Variants in KCNA2 observed in about 807,000 individuals in gnomAD.
The protein encoded by KCNA2 is potassium channel, voltage gated shaker related subfamily A, member 2.
A neutral mutation model predicts 33.4 loss-of-function variants in KCNA2; 11 were observed. That is an observed-to-expected ratio of 0.33 (90% CI 0.21 to 0.55). The LOEUF (loss-of-function observed/expected upper bound fraction) is 0.55, where lower values mean the gene tolerates loss of function less well. KCNA2 is among the 20% of genes least tolerant of loss of function. The probability of loss-of-function intolerance (pLI) is 0.93; values close to 1 mark genes in which losing one functional copy is unlikely to be tolerated. For missense variants in KCNA2, 291 were observed against 621.6 expected (o/e 0.47, Z 5.66); for synonymous variants, 222 against 231.3 (o/e 0.96, Z 0.37).
In KCNA2 at chr1:110,603,957, CA is replaced by C. The variant is rs1376883595; in HGVS notation, c.825del (p.Glu276ArgfsTer24). The C allele has an allele frequency of 6.2e-7, 1 of 1,614,102 alleles. No homozygotes were observed. The highest frequency in any genetic ancestry group is 1.3e-5 in the African/African-American group (1 of 74,936). The part of the protein sequence containing the change: ...PYFITLGTEL[A>X]EKPEDAQQGQ... ...CCTTGCTGAGCGTCCTCTGGCTTCT[CA>C]GCCAACTCTGTCCCCAGGGTGATGA... On this transcript the variant is annotated frameshift_variant, in exon 3 of 3. Transcript: ENST00000316361. LOFTEE classifies it high-confidence loss of function. This position sits in a 1 kb window ranked among gnomAD's most constrained non-coding sequence, Gnocchi z 5.7.
At chr1:110,617,344 C>A (rs1650099530) in intron 1 of KCNA2, among the ~76,000 whole-genome samples, 1 of 152,126 alleles carries the variant, frequency 6.6e-6, no homozygotes, top group Non-Finnish European at 1.5e-5. Flanking sequence ...GTGCCAGGAG[C>A]GAGCAGTGTG....
In KCNA2 at chr1:110,597,362, C is replaced by T. The variant is rs2101362809; in HGVS notation, c.*5921G>A. ...AGTGCTTTCGTGTAGGCTTCCATTA[C>T]ATCTGCCAGACTGAGGGAAAGTCAA... On this transcript the variant is annotated 3_prime_UTR_variant, in exon 3 of 3. Coordinates refer to ENST00000316361, the MANE Select transcript of KCNA2 (RefSeq NM_004974.4). The T allele has an allele frequency of 1.0e-6, 1 of 985,360 alleles. No homozygotes were observed. The highest frequency in any genetic ancestry group is 4.7e-5 in the South Asian group (1 of 21,282). The allele number at this position is 985,360 out of a possible 1,614,324, so 61.0% of individuals were successfully genotyped here.
At chr1:110,613,852 T>C (rs55837630) in intron 1 of KCNA2, among the ~76,000 whole-genome samples, 23,801 of 152,140 alleles carry the variant, frequency 0.16, 2,503 homozygotes, top group East Asian at 0.38. Flanking sequence ...CATCCTGCTG[T>C]GCTGTTCTCA....
At chr1:110,629,845 G>A (rs998735553) in intron 1 of KCNA2, among the ~76,000 whole-genome samples, 5 of 152,152 alleles carry the variant, frequency 3.3e-5, no homozygotes, top group South Asian at 2.1e-4. Context: ...CGAGGAGACC[G>A]AATTAAACAC....
chr1:110,600,276 T>G lies in KCNA2; in HGVS notation c.*3007A>C, dbSNP rs2101377166. 1 of 983,170 alleles carries G rather than the reference T, an allele frequency of 1.0e-6. No homozygotes were observed. Among genetic ancestry groups the G allele is most frequent in the East Asian group, 1.1e-4 (1 of 8,742 alleles). The allele number at this position is 983,170 out of a possible 1,614,324, so 60.9% of individuals were successfully genotyped here. The stretch of plus-strand genomic sequence containing the variant: ...CTATTATAAGTTAATGCATCGTGTG[T>G]ATATACTGAGTTTGTGTGTATTTTA... On this transcript the variant is annotated 3_prime_UTR_variant, in exon 3 of 3. Coordinates refer to ENST00000316361, the MANE Select transcript of KCNA2 (RefSeq NM_004974.4).
rs1488235256 is a variant in KCNA2, at chr1:110,601,148, T to C, written c.*2135A>G. The C allele has an allele frequency of 2.0e-6, 2 of 985,420 alleles. No individual in the cohort carries two copies. The allele number at this position is 985,420 out of a possible 1,614,324, so 61.0% of individuals were successfully genotyped here. The stretch of plus-strand genomic sequence containing the variant: ...TGGGAAATGATTCTTTACCCATCCT[T>C]TGGTTCTTTTTAAAAAGCAGCTCTG... On this transcript the variant is annotated 3_prime_UTR_variant, in exon 3 of 3. Coordinates refer to ENST00000316361, the MANE Select transcript of KCNA2 (RefSeq NM_004974.4).
intron 1 of KCNA2, among the ~76,000 whole-genome samples, chr1:110,631,003 C>T (rs975245265): frequency 6.6e-6 from 1 of 152,240 alleles, no homozygotes; most frequent in Non-Finnish European, 1.5e-5. Context: ...CTGTCTCAAG[C>T]ACAGGTCTGG....
rs1649170292 is a variant in KCNA2 at position 110,598,005 on chromosome 1, A to G, written c.*5278T>C. 1 of 985,380 alleles carries G rather than the reference A, an allele frequency of 1.0e-6. No homozygotes were observed. The highest frequency in any genetic ancestry group is 1.7e-5 in the African/African-American group (1 of 57,352). 61.0% of individuals were successfully genotyped at this position (985,380 alleles called of 1,614,324 possible). A position where few individuals can be genotyped will look rare whatever the true frequency, so the allele number is the denominator to read the frequency against. On this transcript the variant is annotated 3_prime_UTR_variant, in exon 3 of 3. Transcript: ENST00000316361. Reference sequence around the variant, plus strand: ...ACAGGGTTGGACTCAACAAGGGCTAAGTCTGAAGATATAGATGATGGTCAC... The same window carrying G: ...ACAGGGTTGGACTCAACAAGGGCTAGGTCTGAAGATATAGATGATGGTCAC...
chr1:110,630,699 C>T (rs1031354357), intron 1 of KCNA2, among the ~76,000 whole-genome samples: 2 of 152,182 alleles, frequency 1.3e-5, no homozygotes, highest in Non-Finnish European at 2.9e-5. Context: ...ACACTAAGCA[C>T]CTACTTTGAA....
At position 110,601,786 on chromosome 1, in the gene KCNA2, ATATATATATG is replaced by A; in HGVS notation, c.*1487_*1496del. On this transcript the variant is annotated 3_prime_UTR_variant, in exon 3 of 3. Transcript: ENST00000316361. The stretch of plus-strand genomic sequence containing the variant: ...TGAACTCCAGAAAATGAATATATAT[ATATATATATG>A]TGTGTGTGTGTGTGTGTGTGTGTGT... The A allele has an allele frequency of 8.6e-7, 1 of 1,160,740 alleles. No homozygotes were observed. Among genetic ancestry groups the A allele is most frequent in the Admixed American group, 5.4e-5 (1 of 18,540 alleles). The allele number at this position is 1,160,740 out of a possible 1,614,324, so 71.9% of individuals were successfully genotyped here. A position where few individuals can be genotyped will look rare whatever the true frequency, so the allele number is the denominator to read the frequency against.
rs1188938193 is a variant in KCNA2, at chr1:110,599,273, C to G, written c.*4010G>C. 1 of 983,502 alleles carries G rather than the reference C, an allele frequency of 1.0e-6. No individual in the cohort carries two copies. The highest frequency in any genetic ancestry group is 1.2e-6 in the Non-Finnish European group (1 of 828,290). 60.9% of individuals were successfully genotyped at this position (983,502 alleles called of 1,614,324 possible). A position where few individuals can be genotyped will look rare whatever the true frequency, so the allele number is the denominator to read the frequency against. On this transcript the variant is annotated 3_prime_UTR_variant, in exon 3 of 3. Coordinates refer to ENST00000316361, the MANE Select transcript of KCNA2 (RefSeq NM_004974.4). ...TCCTACTTAGGGGAAGAACCAGCTCCAAGAGTAATCCAAAATGGTGGGTAA... is the reference window on the plus strand; with the variant it reads ...TCCTACTTAGGGGAAGAACCAGCTCGAAGAGTAATCCAAAATGGTGGGTAA...
Position 110,603,117 on chromosome 1 carries a change from A to G in KCNA2, c.*166T>C. On this transcript the variant is annotated 3_prime_UTR_variant, in exon 3 of 3. Transcript: ENST00000316361. The surrounding 1 kb of genome is among the most constrained non-coding windows in gnomAD (Gnocchi z 5.7). ...GATGTGCATGAAAGCCATGATAGAT[A>G]TTCTGTGTTCTAAATCAAAAGTCAA... The G allele has an allele frequency of 7.0e-7, 1 of 1,430,888 alleles. No individual in the cohort carries two copies. The highest frequency in any genetic ancestry group is 9.1e-7 in the Non-Finnish European group (1 of 1,097,856). 88.6% of individuals were successfully genotyped at this position (1,430,888 alleles called of 1,614,324 possible).
Position 110,602,076 on chromosome 1 carries a change from C to A in KCNA2, c.*1207G>T. On this transcript the variant is annotated 3_prime_UTR_variant, in exon 3 of 3. Transcript: ENST00000316361. The stretch of plus-strand genomic sequence containing the variant: ...TGCCCTGGTCCACTGTACAGTCATG[C>A]CCGCGACTAGGTTAATTCCTAAGGT... The A allele has an allele frequency of 1.3e-6, 2 of 1,550,502 alleles. No homozygotes were observed. The highest frequency in any genetic ancestry group is 1.7e-6 in the Non-Finnish European group (2 of 1,146,990).
intron 1 of KCNA2, among the ~76,000 whole-genome samples, chr1:110,629,060 T>C (rs1262999079): frequency 6.6e-6 from 1 of 152,208 alleles, no homozygotes; most frequent in East Asian, 1.9e-4. Flanking sequence ...GCTAGATCCC[T>C]GAGGATCTTC....
chr1:110,621,641 TGA>T (rs1650262340), intron 1 of KCNA2, among the ~76,000 whole-genome samples: 1 of 151,904 alleles, frequency 6.6e-6, no homozygotes, highest in African/African-American at 2.4e-5. Flanking sequence ...ATATCAGAAA[TGA>T]GAGAGATGAC....
At chr1:110,608,934 C>T (rs1649772098), upstream of KCNA2, among the ~76,000 whole-genome samples, 1 of 152,202 alleles carries the variant, frequency 6.6e-6, no homozygotes, top group Non-Finnish European at 1.5e-5. Flanking sequence ...TGAAACTCTC[C>T]TCATAGCTCT....
rs1308532032 is a variant in KCNA2 at position 110,599,074 on chromosome 1, T to C, written c.*4209A>G. The C allele has an allele frequency of 1.0e-6, 1 of 985,314 alleles. No individual in the cohort carries two copies. Among genetic ancestry groups the C allele is most frequent in the African/African-American group, 1.7e-5 (1 of 57,248 alleles). The allele number at this position is 985,314 out of a possible 1,614,324, so 61.0% of individuals were successfully genotyped here. ...CCATATGTCCACTCCCTACTGTTGT[T>C]ACCTTTTCTGTAGAGACTGGGAGCT... On this transcript the variant is annotated 3_prime_UTR_variant, in exon 3 of 3. Coordinates refer to ENST00000316361, the MANE Select transcript of KCNA2 (RefSeq NM_004974.4).
chr1:110,603,161 C>A lies in KCNA2; in HGVS notation c.*122G>T. Reference sequence around the variant, plus strand: ...AAGTCAAAAGATCAAAAGTCACTTGCACAACTATTGCTTTCCATGCAGAAC... The same window carrying A: ...AAGTCAAAAGATCAAAAGTCACTTGAACAACTATTGCTTTCCATGCAGAAC... On this transcript the variant is annotated 3_prime_UTR_variant, in exon 3 of 3. Coordinates refer to ENST00000316361, the MANE Select transcript of KCNA2 (RefSeq NM_004974.4). The surrounding 1 kb of genome is among the most constrained non-coding windows in gnomAD (Gnocchi z 5.7). 6.8e-7 allele frequency: 1 copy of A among 1,467,272 alleles called. No individual in the cohort carries two copies. Among genetic ancestry groups the A allele is most frequent in the South Asian group, 1.5e-5 (1 of 65,364 alleles). The allele number at this position is 1,467,272 out of a possible 1,614,324, so 90.9% of individuals were successfully genotyped here.
rs1473853211 is a variant in KCNA2 at position 110,602,789 on chromosome 1, C to A, written c.*494G>T. Reference sequence around the variant, plus strand: ...CCTGTGACACAGAAAGTAATTCCAACACACAGGACTGTGTGTTCTTTTCAA... The same window carrying A: ...CCTGTGACACAGAAAGTAATTCCAAAACACAGGACTGTGTGTTCTTTTCAA... On this transcript the variant is annotated 3_prime_UTR_variant, in exon 3 of 3. Transcript: ENST00000316361. 6.0e-6 allele frequency: 6 copies of A among 992,156 alleles called. No homozygotes were observed. The highest frequency in any genetic ancestry group is 1.7e-5 in the African/African-American group (1 of 57,334). The allele number at this position is 992,156 out of a possible 1,614,324, so 61.5% of individuals were successfully genotyped here. A position where few individuals can be genotyped will look rare whatever the true frequency, so the allele number is the denominator to read the frequency against.
Sources: allele counts gnomAD v4.1 joint callset (sites outside exome capture counted in the v4.1 genomes callset), GRCh38; gene constraint gnomAD v4.1.1; non-coding constraint Gnocchi (gnomAD v3.1); transcripts MANE v1.5; gene names NCBI Gene and HGNC (gene_info 2026-07-23, HGNC 2026-07-21).